The following DLC1 variants were observed in gnomAD, a reference collection of about 807,000 sequenced individuals.
DLC1 encodes the protein DLC1 Rho GTPase activating protein.
DLC1 carries 54 observed loss-of-function variants against 140.3 expected under a neutral mutation model. That is an observed-to-expected ratio of 0.38 (90% CI 0.31 to 0.48). The LOEUF is 0.48. Among genes scored for constraint, DLC1 ranks in the 20% least tolerant of loss-of-function variants. DLC1 has a pLI of 0.96. For synonymous variants in DLC1, 986 were observed against 728.1 expected (o/e 1.35, Z -5.70); for missense variants, 2,536 against 1,907.0 (o/e 1.33, Z -6.14).
intron 7 of DLC1, among the ~76,000 whole-genome samples, chr8:13,109,331 A>T (rs980986599): frequency 6.7e-6 from 1 of 150,296 alleles, no homozygotes; most frequent in East Asian, 2.0e-4. Context: ...GCCGAGATGG[A>T]TGACTGCTTG....
intron 2 of DLC1, among the ~76,000 whole-genome samples, chr8:13,434,096 C>A (rs923558096): frequency 1.2e-4 from 18 of 152,266 alleles, no homozygotes; most frequent in African/African-American, 4.3e-4. Flanking sequence ...AGGCTTGTCG[C>A]GAACTTCTGA....
chr8:13,538,290 G>A (rs908230111), intron 1 of DLC1, among the ~76,000 whole-genome samples: 2 of 151,632 alleles, frequency 1.3e-5, no homozygotes, highest in Non-Finnish European at 2.9e-5. Flanking sequence ...AGAATCCAAT[G>A]TTTATAAACT....
At chr8:13,282,070 G>A (rs561393476) in intron 5 of DLC1, among the ~76,000 whole-genome samples, 2 of 152,268 alleles carry the variant, frequency 1.3e-5, no homozygotes, top group East Asian at 1.9e-4. Flanking sequence ...GTGGGGACTC[G>A]TCCCTCCTGT....
intron 8 of DLC1, 151 bp downstream of exon 8, chr8:13,102,639 C>T (rs1819191332): frequency 1.4e-6 from 1 of 697,268 alleles, no homozygotes; most frequent in African/African-American, 1.8e-5. Flanking sequence ...CTACATAAGG[C>T]TATCAAGTCT....
chr8:13,128,972 A>C, intron 5 of DLC1, among the ~76,000 whole-genome samples: 1 of 152,218 alleles, frequency 6.6e-6, no homozygotes, highest in Non-Finnish European at 1.5e-5. Context: ...AGTAGACCTA[A>C]TTAGAGGATC....
At chr8:13,320,550 G>C (rs1833057295) in intron 4 of DLC1, among the ~76,000 whole-genome samples, 1 of 152,154 alleles carries the variant, frequency 6.6e-6, no homozygotes, top group African/African-American at 2.4e-5. Flanking sequence ...CTATGGTTTG[G>C]ATGTTGTCCC....
intron 5 of DLC1, among the ~76,000 whole-genome samples, chr8:13,217,823 G>T (rs1293333383): frequency 6.6e-6 from 1 of 151,394 alleles, no homozygotes; most frequent in Non-Finnish European, 1.5e-5. Context: ...GAGTGACAGA[G>T]TGAGACTCCA....
At chr8:13,587,282 T>C (rs1444667062) in intron 1 of DLC1, among the ~76,000 whole-genome samples, 2 of 147,492 alleles carry the variant, frequency 1.4e-5, no homozygotes, top group African/African-American at 5.0e-5. Context: ...AGTGTAACCA[T>C]AGCCAAGAAA....
At chr8:13,283,146 A>C (rs1264262512) in intron 5 of DLC1, among the ~76,000 whole-genome samples, 1 of 152,184 alleles carries the variant, frequency 6.6e-6, no homozygotes, top group Non-Finnish European at 1.5e-5. Flanking sequence ...TGTTAACATA[A>C]CTTGTTGATT....
intron 2 of DLC1, among the ~76,000 whole-genome samples, chr8:13,484,804 A>C (rs1585186265): frequency 6.6e-6 from 1 of 152,046 alleles, no homozygotes; most frequent in South Asian, 2.1e-4. Context: ...ATACAGAAAA[A>C]GTCCATCTCG....
intron 1 of DLC1, among the ~76,000 whole-genome samples, chr8:13,598,876 T>G (rs77527869): frequency 0.049 from 7,390 of 151,822 alleles, 257 homozygotes; most frequent in East Asian, 0.15. Flanking sequence ...GGCTGTTGAG[T>G]CATGTTAAAA....
chr8:13,153,126 C>T (rs111281382), intron 5 of DLC1, among the ~76,000 whole-genome samples: 1 of 151,982 alleles, frequency 6.6e-6, no homozygotes, highest in Non-Finnish European at 1.5e-5. Context: ...AGCCGCGGAC[C>T]CGCGCAGTGA....
intron 2 of DLC1, among the ~76,000 whole-genome samples, chr8:13,496,018 T>G (rs908787239): frequency 6.6e-6 from 1 of 152,228 alleles, no homozygotes; most frequent in African/African-American, 2.4e-5. Flanking sequence ...CCTTAATTGA[T>G]TTCACTTTTC....
intron 2 of DLC1, chr8:13,498,827 T>C (rs891681713): frequency 3.5e-4 from 159 of 460,034 alleles, no homozygotes; most frequent in Admixed American, 3.9e-4. Flanking sequence ...AGAATATTCA[T>C]AAACCATTAT....
chr8:13,144,199 C>T (rs1397107028), intron 5 of DLC1, among the ~76,000 whole-genome samples: 1 of 152,154 alleles, frequency 6.6e-6, no homozygotes, highest in East Asian at 1.9e-4. Context: ...CAGAGGAAAG[C>T]AAATTTGTTC....
At chr8:13,211,649 C>T (rs181040312) in intron 5 of DLC1, among the ~76,000 whole-genome samples, 80 of 152,308 alleles carry the variant, frequency 5.3e-4, no homozygotes, top group Admixed American at 1.1e-3. Flanking sequence ...TCAACAAATG[C>T]TAGTCATGTT....
intron 1 of DLC1, among the ~76,000 whole-genome samples, chr8:13,595,098 C>T (rs1805641806): frequency 6.6e-6 from 1 of 151,812 alleles, no homozygotes; most frequent in South Asian, 2.1e-4. Flanking sequence ...ATGTAATGAC[C>T]AATGATCACT....
intron 2 of DLC1, among the ~76,000 whole-genome samples, chr8:13,468,984 C>G (rs746930206): frequency 1.3e-5 from 2 of 151,884 alleles, no homozygotes; most frequent in East Asian, 1.9e-4. Context: ...TCACGCTCAG[C>G]TAATTTTTGT....
intron 2 of DLC1, among the ~76,000 whole-genome samples, chr8:13,444,451 T>TA (rs1264334081): frequency 7.9e-5 from 12 of 151,562 alleles, no homozygotes; most frequent in South Asian, 2.1e-4. Flanking sequence ...CGTTTAATAA[T>TA]AAAAAAAAGA....
Sources: allele counts gnomAD v4.1 joint callset (sites outside exome capture counted in the v4.1 genomes callset), GRCh38; gene constraint gnomAD v4.1.1; transcripts MANE v1.5; gene names NCBI Gene and HGNC (gene_info 2026-07-23, HGNC 2026-07-21).